SRC: variants seen among roughly 807,000 people sequenced by gnomAD.
The protein encoded by SRC is SRC proto-oncogene, non-receptor tyrosine kinase.
A neutral mutation model predicts 62.9 loss-of-function variants in SRC; 13 were observed. The ratio of observed to expected loss-of-function variants is 0.21; its 90% CI spans 0.13 to 0.33. The LOEUF is 0.33. SRC is among the 10% of genes least tolerant of loss of function. The pLI is 1.00. For missense variants in SRC, 457 were observed against 737.3 expected (o/e 0.62, Z 4.40); for synonymous variants, 302 against 317.5 (o/e 0.95, Z 0.52).
Position 37,351,625 on chromosome 20 carries a change from G to A in SRC, c.-247+5370G>A, listed in dbSNP as rs1242635455. ...TGATTAGCTTCTCTTAGGCTGCTTT[G>A]CCCAAATTCATGGCCTTGACTTTTA... On this transcript the variant is annotated intron_variant, in intron 1 of 13. Coordinates refer to ENST00000373578, the MANE Select transcript of SRC (RefSeq NM_198291.3). The surrounding 1 kb of genome is among the most constrained non-coding windows in gnomAD (Gnocchi z 4.4). Among the ~76,000 whole-genome samples the A allele has an allele frequency of 6.6e-6, 1 of 152,162 alleles. No homozygotes were observed. The highest frequency in any genetic ancestry group is 6.5e-5 in the Admixed American group (1 of 15,274).
At chr20:37,348,543 G>A (rs1224891686) in intron 1 of SRC, among the ~76,000 whole-genome samples, 1 of 152,180 alleles carries the variant, frequency 6.6e-6, no homozygotes, top group Non-Finnish European at 1.5e-5. Flanking sequence ...GAGTCATGGA[G>A]GCTTCTAGAA....
At position 37,402,925 on chromosome 20, in the gene SRC, GC is replaced by G. The variant is rs1247433872; in HGVS notation, c.1402+48del. 3 of 1,581,456 alleles carry G rather than the reference GC, an allele frequency of 1.9e-6. No individual in the cohort carries two copies. The highest frequency in any genetic ancestry group is 3.6e-4 in the Middle Eastern group (2 of 5,518). ...CTGTCTGTGGTCCCTGAATCCCTCT[GC>G]CCTGGTGGCCTTGGGCAAGTCATGA... On this transcript the variant is annotated intron_variant, in intron 13 of 13. Coordinates refer to ENST00000373578, the MANE Select transcript of SRC (RefSeq NM_198291.3). The surrounding 1 kb of genome is among the most constrained non-coding windows in gnomAD (Gnocchi z 6.2).
chr20:37,395,899 A>G (rs2070637686), intron 7 of SRC, among the ~76,000 whole-genome samples: 1 of 152,266 alleles, frequency 6.6e-6, no homozygotes, highest in South Asian at 2.1e-4. Flanking sequence ...TCCAAGTCTC[A>G]TAGCTAGGAT....
At chr20:37,368,518 CTTTTT>C (rs1352624429) in intron 2 of SRC, among the ~76,000 whole-genome samples, 1 of 73,898 alleles carries the variant, frequency 1.4e-5, no homozygotes, top group Non-Finnish European at 2.7e-5. Flanking sequence ...CCTATATTTT[CTTTTT>C]TTTTTTTTTT....
intron 1 of SRC, among the ~76,000 whole-genome samples, chr20:37,361,796 CA>C: frequency 7.2e-6 from 1 of 138,844 alleles, no homozygotes; most frequent in African/African-American, 2.6e-5. Flanking sequence ...CCTCTGTGTG[CA>C]GGTAGAGATG....
chr20:37,371,865 G>A (rs969190155), intron 2 of SRC, among the ~76,000 whole-genome samples: 3 of 151,612 alleles, frequency 2.0e-5, no homozygotes, highest in Admixed American at 6.6e-5. Context: ...ACCACGCCTG[G>A]CTGATTTTTG....
At chr20:37,355,808 T>A (rs1157074266) in intron 1 of SRC, among the ~76,000 whole-genome samples, 1 of 152,022 alleles carries the variant, frequency 6.6e-6, no homozygotes, top group African/African-American at 2.4e-5. Flanking sequence ...TGCAAAAATG[T>A]CTGGGGGTAG....
intron 4 of SRC, among the ~76,000 whole-genome samples, chr20:37,385,086 G>A (rs149662028): frequency 6.6e-6 from 1 of 152,338 alleles, no homozygotes; most frequent in East Asian, 1.9e-4. Flanking sequence ...CAACGCAGAT[G>A]TACCCAGATA....
intron 2 of SRC, among the ~76,000 whole-genome samples, chr20:37,374,624 G>T: frequency 6.9e-6 from 1 of 143,982 alleles, no homozygotes; most frequent in African/African-American, 2.6e-5. Flanking sequence ...GCCCAGGCTG[G>T]AGTACAGTAG....
At chr20:37,401,031 A>G (rs558086842) in intron 10 of SRC, among the ~76,000 whole-genome samples, 4 of 151,988 alleles carry the variant, frequency 2.6e-5, no homozygotes, top group African/African-American at 4.8e-5. Flanking sequence ...AGGTCTTGCT[A>G]TGTTGCCCAG....
At chr20:37,371,095 TCTC>T (rs2070158912) in intron 2 of SRC, among the ~76,000 whole-genome samples, 3 of 152,004 alleles carry the variant, frequency 2.0e-5, no homozygotes, top group Admixed American at 1.3e-4. Context: ...TTCAAGCAAT[TCTC>T]CTGCTTCAGC....
chr20:37,368,533 T>G (rs867961543), intron 2 of SRC, among the ~76,000 whole-genome samples: 929 of 88,694 alleles, frequency 0.01, 6 homozygotes, highest in African/African-American at 0.016. Flanking sequence ...TTTTTTTTTT[T>G]TTTTTTTTTT....
At position 37,398,661 on chromosome 20, in the gene SRC, G is replaced by C. The variant is rs573118699; in HGVS notation, c.859+807G>C. ...AGGCTGTCCGGGAAGGGGAGGCGTG[G>C]GCTTTGAGCTGGTGAGAGGGGAGAG... On this transcript the variant is annotated intron_variant, in intron 9 of 13. Transcript: ENST00000373578. This position sits in a 1 kb window ranked among gnomAD's most constrained non-coding sequence, Gnocchi z 5.2. 6.6e-6 allele frequency among the ~76,000 whole-genome samples: 1 copy of C among 152,344 alleles called. No homozygotes were observed. The highest frequency in any genetic ancestry group is 1.9e-4 in the East Asian group (1 of 5,180).
chr20:37,384,733 C>T lies in SRC; in HGVS notation c.250+330C>T, dbSNP rs1371136842. Among the ~76,000 whole-genome samples the T allele has an allele frequency of 2.6e-5, 4 of 152,102 alleles. No individual in the cohort carries two copies. Among genetic ancestry groups the T allele is most frequent in the Admixed American group, 2.0e-4 (3 of 15,282 alleles). The stretch of plus-strand genomic sequence containing the variant: ...TTGGCGCCCAGTCCTTTTTCGTTGC[C>T]TGGGTCCGCCCAGAGATGAGTCGGG... On this transcript the variant is annotated intron_variant, in intron 4 of 13. Transcript: ENST00000373578. The surrounding 1 kb of genome is among the most constrained non-coding windows in gnomAD (Gnocchi z 6.7).
chr20:37,362,618 A>G (rs1381005698), intron 1 of SRC, among the ~76,000 whole-genome samples: 1 of 151,828 alleles, frequency 6.6e-6, no homozygotes, highest in South Asian at 2.1e-4. Context: ...GCCAAGGAGA[A>G]GGGCCCACGA....
chr20:37,403,476 T>C lies in SRC; in HGVS notation c.*97T>C. The C allele has an allele frequency of 7.5e-7, 1 of 1,338,740 alleles. No individual in the cohort carries two copies. The highest frequency in any genetic ancestry group is 1.0e-6 in the Non-Finnish European group (1 of 990,650). The allele number at this position is 1,338,740 out of a possible 1,614,324, so 82.9% of individuals were successfully genotyped here. On this transcript the variant is annotated 3_prime_UTR_variant, in exon 14 of 14. Transcript: ENST00000373578. The surrounding 1 kb of genome is among the most constrained non-coding windows in gnomAD (Gnocchi z 7.1). Reference sequence around the variant, plus strand: ...CACTCTGCCTGCCTGCTGTTGGTCCTCTCTCTGTGGGGCTGAATTGCCAGG... The same window carrying C: ...CACTCTGCCTGCCTGCTGTTGGTCCCCTCTCTGTGGGGCTGAATTGCCAGG...
At chr20:37,353,990 G>A (rs1222398669) in intron 1 of SRC, among the ~76,000 whole-genome samples, 5 of 152,230 alleles carry the variant, frequency 3.3e-5, no homozygotes, top group African/African-American at 9.7e-5. Context: ...CAAGGATGAA[G>A]TCTTGTGTCC....
At position 37,402,591 on chromosome 20, in the gene SRC, G is replaced by A. The variant is rs1385616600; in HGVS notation, c.1270+3G>A. On this transcript the variant is annotated splice_donor_region_variant and intron_variant, in intron 12 of 13. Transcript: ENST00000373578. This position sits in a 1 kb window ranked among gnomAD's most constrained non-coding sequence, Gnocchi z 6.2. ...CAATGAGTACACGGCGCGGCAAGGT[G>A]GGCAGGGGCTGTGTGGTATGTCGCG... is the stretch of plus-strand genomic sequence containing the variant. 20 of 1,608,830 alleles carry A rather than the reference G, an allele frequency of 1.2e-5. No individual in the cohort carries two copies. The highest frequency in any genetic ancestry group is 2.2e-5 in the East Asian group (1 of 44,782).
intron 11 of SRC, 93 bp downstream of exon 11, chr20:37,401,771 C>A: frequency 2.3e-6 from 2 of 851,704 alleles, no homozygotes; most frequent in Non-Finnish European, 3.6e-6. Flanking sequence ...AGTGCCCCCT[C>A]CAAGAAGCCT....
Sources: gnomAD v4.1 joint callset for allele counts (sites outside exome capture counted in the v4.1 genomes callset) on GRCh38, gnomAD v4.1.1 for gene constraint, Gnocchi (gnomAD v3.1) non-coding constraint, MANE v1.5 for transcripts, NCBI Gene and HGNC (gene_info 2026-07-23, HGNC 2026-07-21) for gene names.